The following KCNN3 variants were observed in gnomAD, a reference collection of about 807,000 sequenced individuals.
KCNN3 encodes small conductance calcium-activated potassium channel protein 3.
KCNN3 carries 16 observed loss-of-function variants against 62.9 expected under a neutral mutation model. The observed-to-expected ratio is 0.25, with a 90% CI of 0.17 to 0.39. The LOEUF is 0.39. Ranked by LOEUF, KCNN3 falls within the 10% of genes least tolerant of loss-of-function variation. KCNN3 has a pLI of 1.00. For synonymous variants in KCNN3, 370 were observed against 389.2 expected, an observed-to-expected ratio of 0.95 and a Z score of 0.58; for missense variants, 599 against 949.4, an observed-to-expected ratio of 0.63 and a Z score of 4.85.
At chr1:154,749,955 G>T (rs1647289108) in intron 3 of KCNN3, among the ~76,000 whole-genome samples, 1 of 152,210 alleles carries the variant, frequency 6.6e-6, no homozygotes, top group African/African-American at 2.4e-5. Context: ...ACGCAGAAAG[G>T]CACATTTCCC....
intron 1 of KCNN3, among the ~76,000 whole-genome samples, chr1:154,866,586 C>T (rs1460618642): frequency 6.6e-6 from 1 of 152,194 alleles, no homozygotes; most frequent in Admixed American, 6.5e-5. Context: ...ATAGGAGACA[C>T]CCAGAAAATA....
chr1:154,834,153 C>A (rs1206731411), intron 1 of KCNN3, among the ~76,000 whole-genome samples: 6 of 152,254 alleles, frequency 3.9e-5, no homozygotes, highest in African/African-American at 1.4e-4. Flanking sequence ...CTCTCTCTCA[C>A]TAGCTCTCTG....
At position 154,797,680 on chromosome 1, in the gene KCNN3, G is replaced by A. The variant is rs116782300; in HGVS notation, c.1029+24409C>T. Among the ~76,000 whole-genome samples the A allele has an allele frequency of 5.1e-3, 778 of 152,264 alleles. 9 individuals carry two copies. Among genetic ancestry groups the A allele is most frequent in the African/African-American group, 0.018 (746 of 41,540 alleles). On this transcript the variant is annotated intron_variant, in intron 2 of 7. Coordinates refer to ENST00000271915, the MANE Select transcript of KCNN3 (RefSeq NM_002249.6). Reference sequence around the variant, plus strand: ...GTTCATTAGTGTGTCCCCAGTGCCAGGAACAGTGTAAGCACTCTTTCAATT... The same window carrying A: ...GTTCATTAGTGTGTCCCCAGTGCCAAGAACAGTGTAAGCACTCTTTCAATT...
intron 7 of KCNN3, among the ~76,000 whole-genome samples, chr1:154,709,377 C>T (rs1023246632): frequency 6.6e-6 from 1 of 152,102 alleles, no homozygotes; most frequent in Non-Finnish European, 1.5e-5. Context: ...GGTACTGTGG[C>T]TCTTTGGGTT....
At chr1:154,854,167 G>A (rs1386037876) in intron 1 of KCNN3, among the ~76,000 whole-genome samples, 4 of 152,068 alleles carry the variant, frequency 2.6e-5, no homozygotes, top group South Asian at 2.1e-4. Context: ...CCCGGGAGGC[G>A]GAGCTTGCAG....
At position 154,766,557 on chromosome 1, in the gene KCNN3, C is replaced by T. The variant is rs111995778; in HGVS notation, c.1448+5418G>A. Among the ~76,000 whole-genome samples the T allele has an allele frequency of 1.8e-3, 273 of 149,594 alleles. 3 individuals are homozygous for T. Among genetic ancestry groups the T allele is most frequent in the Non-Finnish European group, 2.7e-3 (183 of 67,334 alleles). ...CCATGAGGAACCACAGTGCCTGGCC[C>T]CACTGTTCCCAGGCTCTGCTCAGTT... On this transcript the variant is annotated intron_variant, in intron 3 of 7. Coordinates refer to ENST00000271915, the MANE Select transcript of KCNN3 (RefSeq NM_002249.6).
At position 154,843,979 on chromosome 1, in the gene KCNN3, G is replaced by C. The variant is rs753594329; in HGVS notation, c.934-21795C>G. On this transcript the variant is annotated intron_variant, in intron 1 of 7. Transcript: ENST00000271915. ...TCGGTGACTGCCCCGAAAGTAGGAG[G>C]GGGGGCTGCACAGCCAGGCCACAAA... is the stretch of plus-strand genomic sequence containing the variant. Among the ~76,000 whole-genome samples the C allele has an allele frequency of 5.9e-5, 9 of 152,326 alleles. No homozygotes were observed. In the South Asian group the frequency reaches 8.3e-4, roughly 14 times the overall value.
intron 3 of KCNN3, among the ~76,000 whole-genome samples, chr1:154,747,964 GC>G (rs1425123788): frequency 6.6e-6 from 1 of 152,144 alleles, no homozygotes; most frequent in East Asian, 1.9e-4. Flanking sequence ...CGGATCAAGT[GC>G]CCTCTGTGGA....
At chr1:154,783,128 GC>G (rs1649127373) in intron 2 of KCNN3, among the ~76,000 whole-genome samples, 1 of 151,838 alleles carries the variant, frequency 6.6e-6, no homozygotes, top group South Asian at 2.1e-4. Context: ...CAGGAGAATG[GC>G]CTGAACCCGG....
intron 3 of KCNN3, among the ~76,000 whole-genome samples, chr1:154,748,239 G>C (rs536777851): frequency 6.6e-6 from 1 of 152,216 alleles, no homozygotes; most frequent in African/African-American, 2.4e-5. Flanking sequence ...GCTGCTGTCT[G>C]TCTGTGGTTT....
At chr1:154,818,004 G>C (rs35612271) in intron 2 of KCNN3, among the ~76,000 whole-genome samples, 2 of 152,008 alleles carry the variant, frequency 1.3e-5, no homozygotes, top group African/African-American at 4.8e-5. Context: ...AGCACGGTCT[G>C]AGAGCTGTTG....
intron 3 of KCNN3, among the ~76,000 whole-genome samples, chr1:154,735,706 G>C (rs562570640): frequency 6.6e-6 from 1 of 152,324 alleles, no homozygotes; most frequent in South Asian, 2.1e-4. Flanking sequence ...AAAGGCAGCT[G>C]TCTCCCTGGC....
intron 1 of KCNN3, among the ~76,000 whole-genome samples, chr1:154,836,457 C>T (rs1019516184): frequency 2.0e-5 from 3 of 152,190 alleles, no homozygotes; most frequent in Non-Finnish European, 2.9e-5. Context: ...ACTGAGACCC[C>T]AAGCAGGGAA....
chr1:154,784,545 C>T lies in KCNN3; in HGVS notation c.1030-12152G>A, dbSNP rs139907969. Among the ~76,000 whole-genome samples the T allele has an allele frequency of 5.3e-3, 801 of 152,354 alleles. 11 individuals carry two copies. The highest frequency in any genetic ancestry group is 0.018 in the African/African-American group (753 of 41,576). ...GGCCTAAGCTGGTCCCTTCTGACTC[C>T]CAGGTGGGGCTGGGTGCCTTCCTCC... is the stretch of plus-strand genomic sequence containing the variant. On this transcript the variant is annotated intron_variant, in intron 2 of 7. Transcript: ENST00000271915.
chr1:154,847,821 T>G (rs2101919357), intron 1 of KCNN3, among the ~76,000 whole-genome samples: 1 of 152,348 alleles, frequency 6.6e-6, no homozygotes, highest in South Asian at 2.1e-4. Context: ...TACACCTGTG[T>G]GATGCCCTTA....
At chr1:154,827,835 A>G (rs1651201490) in intron 1 of KCNN3, among the ~76,000 whole-genome samples, 1 of 152,030 alleles carries the variant, frequency 6.6e-6, no homozygotes, top group Admixed American at 6.6e-5. Flanking sequence ...CAATAATAAT[A>G]ATAATTGCAG....
chr1:154,763,992 T>C (rs892965041), intron 3 of KCNN3, among the ~76,000 whole-genome samples: 4 of 152,250 alleles, frequency 2.6e-5, no homozygotes, highest in African/African-American at 9.6e-5. Context: ...TGTTTTGAAT[T>C]CATTTTGGTT....
At chr1:154,744,899 T>C (rs991695061) in intron 3 of KCNN3, among the ~76,000 whole-genome samples, 12 of 147,668 alleles carry the variant, frequency 8.1e-5, no homozygotes, top group African/African-American at 2.8e-4. Context: ...TTACTGCTTG[T>C]GCCAGTGGGT....
intron 1 of KCNN3, among the ~76,000 whole-genome samples, chr1:154,854,286 C>A (rs1251051131): frequency 6.6e-6 from 1 of 151,932 alleles, no homozygotes; most frequent in East Asian, 1.9e-4. Flanking sequence ...ATAATATGAC[C>A]ACTCTCCTCT....
Sources: allele counts gnomAD v4.1 joint callset (sites outside exome capture counted in the v4.1 genomes callset), GRCh38; gene constraint gnomAD v4.1.1; transcripts MANE v1.5; gene names NCBI Gene and HGNC (gene_info 2026-07-23, HGNC 2026-07-21).